The following BIRC6 variants were observed in gnomAD, a reference collection of about 807,000 sequenced individuals.
BIRC6 encodes baculoviral IAP repeat containing 6, also known as dual E2 ubiquitin-conjugating enzyme/E3 ubiquitin-protein ligase BIRC6.
A neutral mutation model predicts 503.3 loss-of-function variants in BIRC6; 98 were observed. The observed-to-expected ratio is 0.19, with a 90% CI of 0.17 to 0.23. The LOEUF (loss-of-function observed/expected upper bound fraction) is 0.23. BIRC6 is among the 10% of genes least tolerant of loss of function. The probability of loss-of-function intolerance (pLI) is 1.00; values close to 1 mark genes in which losing one functional copy is unlikely to be tolerated. For synonymous variants in BIRC6, 2,240 were observed against 2,078.7 expected, an observed-to-expected ratio of 1.08 and a Z score of -2.11; for missense variants, 5,360 against 5,806.0, an observed-to-expected ratio of 0.92 and a Z score of 2.50.
At chr2:32,461,872 A>G (rs1231537259) in intron 23 of BIRC6, among the ~76,000 whole-genome samples, 1 of 152,094 alleles carries the variant, frequency 6.6e-6, no homozygotes. Flanking sequence ...AACTTTGCCT[A>G]GTTAGTACTT....
chr2:32,603,513 G>A (rs1016723136), intron 71 of BIRC6, among the ~76,000 whole-genome samples: 1 of 152,066 alleles, frequency 6.6e-6, no homozygotes, highest in East Asian at 1.9e-4. Flanking sequence ...TCAGGAGTTC[G>A]AGACCAGCTT....
intron 66 of BIRC6, among the ~76,000 whole-genome samples, chr2:32,584,499 C>T (rs2060897081): frequency 6.6e-6 from 1 of 152,036 alleles, no homozygotes; most frequent in South Asian, 2.1e-4. Context: ...TGCCATTGCA[C>T]TCCAGCCTGG....
Position 32,578,808 on chromosome 2 carries a change from ATACATAC to A in BIRC6, c.13355+3443_13355+3449del, listed in dbSNP as rs1559093286. On this transcript the variant is annotated intron_variant, in intron 66 of 73. Coordinates refer to ENST00000421745, the MANE Select transcript of BIRC6 (RefSeq NM_016252.4). ...AGGGAAACTCTGTCTCAAAAAATAC[ATACATAC>A]ATACATACATACATACATACTATGT... Among the ~76,000 whole-genome samples, 915 of 146,820 alleles carry A rather than the reference ATACATAC, an allele frequency of 6.2e-3. 9 individuals carry two copies. Among genetic ancestry groups the A allele is most frequent in the Non-Finnish European group, 8.4e-3 (568 of 67,602 alleles).
At chr2:32,423,471 C>G (rs915186036) in intron 10 of BIRC6, among the ~76,000 whole-genome samples, 1 of 152,176 alleles carries the variant, frequency 6.6e-6, no homozygotes, top group Admixed American at 6.5e-5. Flanking sequence ...ATTCATTCTA[C>G]CCTCCGCTGC....
In BIRC6 at chr2:32,480,040, C is replaced by G. The variant is rs200254816; in HGVS notation, c.7408+423C>G. ...TGTATAATCCTTTATCATCTCCATA[C>G]CCCTTACTTTTCAAAAGTCTGTTTT... is the stretch of plus-strand genomic sequence containing the variant. On this transcript the variant is annotated intron_variant, in intron 37 of 73. Transcript: ENST00000421745. 4.6e-5 allele frequency among the ~76,000 whole-genome samples: 7 copies of G among 152,094 alleles called. No individual in the cohort carries two copies. In the East Asian group the frequency reaches 1.4e-3, roughly 29 times the overall value.
chr2:32,478,783 A>G lies in BIRC6; in HGVS notation c.7217A>G (p.Tyr2406Cys). 1 of 1,613,592 alleles carries G rather than the reference A, an allele frequency of 6.2e-7. No individual in the cohort carries two copies. The highest frequency in any genetic ancestry group is 8.5e-7 in the Non-Finnish European group (1 of 1,179,752). ...TCTTGGGGTGGTGCTTGGGCTCAGTATTCCTTAACTTGCATGCTACAAGAT... is the reference window on the plus strand; with the variant it reads ...TCTTGGGGTGGTGCTTGGGCTCAGTGTTCCTTAACTTGCATGCTACAAGAT... ...DISWGGAWAQ[Y>C]SLTCMLQDIL... The change falls in exon 36 of 74, where the codon TAT becomes TGT. Residue 2406 changes from tyrosine (Y) to cysteine (C), a missense_variant. By Grantham distance (194) the Tyr-to-Cys change is radical. Around this residue, in one of 16 missense-constraint regions of BIRC6, gnomAD observed 2,299 missense variants for 2,267.2 expected, o/e 1.01. Transcript: ENST00000421745.
intron 63 of BIRC6, among the ~76,000 whole-genome samples, chr2:32,546,698 A>G (rs776427832): frequency 2.0e-5 from 3 of 152,230 alleles, no homozygotes; most frequent in Admixed American, 2.0e-4. Flanking sequence ...CAGACATAAA[A>G]TGAGCTTTAT....
At chr2:32,403,024 A>C (rs1233482012) in intron 8 of BIRC6, among the ~76,000 whole-genome samples, 3 of 152,226 alleles carry the variant, frequency 2.0e-5, no homozygotes, top group Non-Finnish European at 4.4e-5. Context: ...GGTAATCTCT[A>C]CTTGCTTTTA....
chr2:32,449,145 T>A, intron 22 of BIRC6: 1 of 415,552 alleles, frequency 2.4e-6, no homozygotes. Flanking sequence ...TTTGAAAGGG[T>A]TGTGACTTTA....
chr2:32,565,498 C>G (rs1023048840), intron 65 of BIRC6: 7 of 152,106 alleles, frequency 4.6e-5, no homozygotes, highest in African/African-American at 1.4e-4. Context: ...CCAATAACAG[C>G]TCATTAGGGA....
intron 66 of BIRC6, chr2:32,590,787 C>G: frequency 2.0e-6 from 2 of 985,696 alleles, no homozygotes; most frequent in Non-Finnish European, 2.4e-6. Flanking sequence ...ACTTCAGTTG[C>G]TTCCTCGTAT....
chr2:32,475,178 A>G (rs1471368808), intron 33 of BIRC6, among the ~76,000 whole-genome samples: 1 of 151,748 alleles, frequency 6.6e-6, no homozygotes, highest in Non-Finnish European at 1.5e-5. Flanking sequence ...AAAAAAAAAA[A>G]AAGTGTCAAT....
intron 59 of BIRC6, 26 bp from the exon 60 acceptor site, chr2:32,529,625 G>A (rs2149988871): frequency 6.7e-7 from 1 of 1,499,082 alleles, no homozygotes; most frequent in East Asian, 2.5e-5. Context: ...TCGGTTTCCA[G>A]ATTTAACTTA....
intron 49 of BIRC6, among the ~76,000 whole-genome samples, chr2:32,503,459 T>C (rs1461798292): frequency 1.3e-5 from 2 of 152,146 alleles, no homozygotes; most frequent in Non-Finnish European, 1.5e-5. Flanking sequence ...GTTTTGCTCT[T>C]ATTGCCCAAG....
rs375090465 is a variant in BIRC6 at position 32,595,278 on chromosome 2, A to T, written c.13612+134A>T. 3.2e-4 allele frequency: 180 copies of T among 562,302 alleles called. No homozygotes were observed. The African/African-American group carries it at 3.3e-3, about 10-fold the overall frequency. 34.8% of individuals were successfully genotyped at this position (562,302 alleles called of 1,614,324 possible). A position where few individuals can be genotyped will look rare whatever the true frequency, so the allele number is the denominator to read the frequency against. On this transcript the variant is annotated intron_variant, in intron 68 of 73. Coordinates refer to ENST00000421745, the MANE Select transcript of BIRC6 (RefSeq NM_016252.4). ...TGAATTTTACTTCATACATATCAAC[A>T]TTTTTTATCATCTTTGCCTCTTGAA...
chr2:32,432,483 A>G (rs902697032), intron 12 of BIRC6, among the ~76,000 whole-genome samples: 13 of 152,162 alleles, frequency 8.5e-5, no homozygotes, highest in Non-Finnish European at 1.9e-4. Context: ...AAGGTCAGGC[A>G]TGGTGGCTCA....
intron 66 of BIRC6, among the ~76,000 whole-genome samples, chr2:32,578,317 G>A (rs2060404144): frequency 1.3e-5 from 2 of 151,940 alleles, no homozygotes; most frequent in South Asian, 4.2e-4. Flanking sequence ...AGTGGCCTTA[G>A]TTTAATTTTA....
At chr2:32,485,086 C>T (rs2050843314) in intron 39 of BIRC6, among the ~76,000 whole-genome samples, 1 of 152,182 alleles carries the variant, frequency 6.6e-6, no homozygotes, top group African/African-American at 2.4e-5. Context: ...ATTTCAAAAC[C>T]TTTTAAAGGA....
chr2:32,467,833 TTAAATA>T, intron 27 of BIRC6, 64 bp from the exon 28 acceptor site: 1 of 1,448,066 alleles, frequency 6.9e-7, no homozygotes. Flanking sequence ...AACTATCTTT[TTAAATA>T]CATTGCTCAG....
Sources: gnomAD v4.1 joint callset for allele counts (sites outside exome capture counted in the v4.1 genomes callset) on GRCh38, gnomAD v4.1.1 for gene constraint, gnomAD v4.1.1 regional missense constraint, MANE v1.5 for transcripts, NCBI Gene and HGNC (gene_info 2026-07-23, HGNC 2026-07-21) for gene names.